Variants in INSYN2B observed in about 807,000 individuals in gnomAD.
INSYN2B encodes the protein protein INSYN2B.
Under a neutral mutation model 41.2 loss-of-function variants are expected in INSYN2B, and 16 were observed. The ratio of observed to expected loss-of-function variants is 0.39; its 90% CI spans 0.26 to 0.59. INSYN2B has a LOEUF of 0.59. Among genes scored for constraint, INSYN2B ranks in the 20% least tolerant of loss-of-function variants. The pLI is 0.57. For synonymous variants in INSYN2B, 245 were observed against 244.4 expected, an observed-to-expected ratio of 1.00 and a Z score of -0.02; for missense variants, 608 against 646.4, an observed-to-expected ratio of 0.94 and a Z score of 0.64.
At chr5:169,896,372 C>T (rs1399367374) in intron 1 of INSYN2B, among the ~76,000 whole-genome samples, 2 of 152,154 alleles carry the variant, frequency 1.3e-5, no homozygotes, top group Non-Finnish European at 2.9e-5. Context: ...AGCTTGCATT[C>T]TGAAAACAGA....
At chr5:169,946,865 G>A (rs1186951113) in intron 1 of INSYN2B, among the ~76,000 whole-genome samples, 1 of 152,188 alleles carries the variant, frequency 6.6e-6, no homozygotes, top group African/African-American at 2.4e-5. Flanking sequence ...CCTGAATATC[G>A]AGATGGAGCC....
At chr5:169,911,991 A>G (rs1774623071) in intron 1 of INSYN2B, among the ~76,000 whole-genome samples, 1 of 152,192 alleles carries the variant, frequency 6.6e-6, no homozygotes, top group Non-Finnish European at 1.5e-5. Context: ...GAATGATTGC[A>G]TAAGCCAAGA....
intron 1 of INSYN2B, among the ~76,000 whole-genome samples, chr5:169,900,055 C>G (rs190928370): frequency 6.6e-6 from 1 of 152,346 alleles, no homozygotes; most frequent in Non-Finnish European, 1.5e-5. Context: ...CTCCTTCCCT[C>G]TCTCCATTTA....
chr5:169,948,313 A>G (rs959534070), intron 1 of INSYN2B, among the ~76,000 whole-genome samples: 14 of 152,200 alleles, frequency 9.2e-5, no homozygotes, highest in Non-Finnish European at 4.4e-5. Context: ...AGGTAAACAA[A>G]TACACATAAG....
Position 169,876,552 on chromosome 5 carries a change from AG to A in INSYN2B, c.1421+4815del, listed in dbSNP as rs767044226. ...GGGCAATAATGTCTGATGGCCTGGA[AG>A]AACAAGGGTTTCAATGTCCTATGAA... On this transcript the variant is annotated intron_variant, in intron 3 of 3. Transcript: ENST00000377365. Among the ~76,000 whole-genome samples, 18 of 152,358 alleles carry A rather than the reference AG, an allele frequency of 1.2e-4. No homozygotes were observed. The East Asian group carries it at 1.9e-3, about 16-fold the overall frequency.
chr5:169,895,193 A>G (rs7708829), intron 1 of INSYN2B, among the ~76,000 whole-genome samples: 53,470 of 152,114 alleles, frequency 0.35, 10,751 homozygotes, highest in Non-Finnish European at 0.45. Context: ...GACAAAGGAT[A>G]TCCTTTTTCT....
At chr5:169,933,329 C>T (rs936943233) in intron 1 of INSYN2B, among the ~76,000 whole-genome samples, 15 of 152,180 alleles carry the variant, frequency 9.9e-5, no homozygotes, top group African/African-American at 3.4e-4. Context: ...TAATCAAATA[C>T]AGATACCGGT....
At chr5:169,865,177 T>C (rs895159043) in intron 3 of INSYN2B, among the ~76,000 whole-genome samples, 1 of 152,236 alleles carries the variant, frequency 6.6e-6, no homozygotes, top group African/African-American at 2.4e-5. Context: ...TCCCAACCTC[T>C]TTTTCGTTGT....
At chr5:169,975,398 C>T (rs1332251898) in intron 1 of INSYN2B, among the ~76,000 whole-genome samples, 2 of 152,120 alleles carry the variant, frequency 1.3e-5, no homozygotes, top group Non-Finnish European at 2.9e-5. Flanking sequence ...CAAGAAAATC[C>T]TAATTCTTGC....
rs756125744 is a variant in INSYN2B at position 169,883,718 on chromosome 5, C to T, written c.181G>A (p.Asp61Asn). The T allele has an allele frequency of 6.4e-7, 1 of 1,551,520 alleles. No individual in the cohort carries two copies. Residue 61 changes from aspartate to asparagine, a missense_variant, in exon 2 of 4, where the codon GAC (aspartate) becomes AAC (asparagine). Transcript: ENST00000377365. ...LAEVDVQTPEDPAVMGKTQAT... is the reference protein window; with the variant it reads ...LAEVDVQTPENPAVMGKTQAT... ...TGAGTCTTCCCCATCACAGCCGGGT[C>T]TTCTGGAGTTTGGACGTCAACCTCA...
rs1772758298 is a variant in INSYN2B, at chr5:169,883,105, G to C, written c.794C>G (p.Ala265Gly). The C allele has an allele frequency of 6.4e-7, 1 of 1,551,510 alleles. No homozygotes were observed. The highest frequency in any genetic ancestry group is 1.4e-5 in the African/African-American group (1 of 73,032). Residue 265 changes from alanine (A) to glycine (G), a missense_variant, in exon 2 of 4, where the codon GCC becomes GGC. Physicochemically the swap from Ala to Gly is moderately conservative, Grantham distance 60 (BLOSUM62 0). Coordinates refer to ENST00000377365, the MANE Select transcript of INSYN2B (RefSeq NM_001129891.3). ...TTCCTCTGTGCCTGGTGTGTGGCTG[G>C]CAACGCTGGTGGCATTTAAGCAGGA... ...STSCLNATSV[A>G]SHTPGTEELK...
chr5:169,958,523 G>T (rs1776955218), intron 1 of INSYN2B, among the ~76,000 whole-genome samples: 1 of 151,874 alleles, frequency 6.6e-6, no homozygotes, highest in Non-Finnish European at 1.5e-5. Context: ...CATTAGCCCA[G>T]CCCCCTTTCC....
chr5:169,910,485 G>T (rs1581402021), intron 1 of INSYN2B, among the ~76,000 whole-genome samples: 3 of 152,218 alleles, frequency 2.0e-5, no homozygotes, highest in Admixed American at 2.0e-4. Context: ...GTGGTTGGAG[G>T]CGTGCTTACC....
chr5:169,864,101 G>A lies in INSYN2B; in HGVS notation c.*172C>T, dbSNP rs969275580. ...TCGCACGCACTCAGGTAAGGATCGT[G>A]GTCAGGTGTCCAGCAGCGGCTACAT... On this transcript the variant is annotated 3_prime_UTR_variant, in exon 4 of 4. Transcript: ENST00000377365. Among the ~76,000 whole-genome samples the A allele has an allele frequency of 6.6e-6, 1 of 152,180 alleles. No homozygotes were observed. The highest frequency in any genetic ancestry group is 2.4e-5 in the African/African-American group (1 of 41,446).
intron 1 of INSYN2B, among the ~76,000 whole-genome samples, chr5:169,972,137 T>C (rs145879378): frequency 5.3e-5 from 8 of 152,356 alleles, no homozygotes; most frequent in Admixed American, 2.6e-4. Flanking sequence ...TAAGATGTCC[T>C]TTCCCATTCT....
chr5:169,867,917 G>T (rs114830460), intron 3 of INSYN2B, among the ~76,000 whole-genome samples: 88 of 152,292 alleles, frequency 5.8e-4, no homozygotes, highest in African/African-American at 2.0e-3. Context: ...TGAGTTGCAA[G>T]CTCTGATTCT....
At chr5:169,885,514 T>G (rs1772922510) in intron 1 of INSYN2B, among the ~76,000 whole-genome samples, 1 of 152,230 alleles carries the variant, frequency 6.6e-6, no homozygotes, top group Non-Finnish European at 1.5e-5. Flanking sequence ...AATTCTCCCC[T>G]GATGTCTTCA....
chr5:169,879,245 C>T (rs749455355), intron 3 of INSYN2B, among the ~76,000 whole-genome samples: 7 of 152,144 alleles, frequency 4.6e-5, no homozygotes, highest in Non-Finnish European at 8.8e-5. Flanking sequence ...CATCCATCAT[C>T]GGGGAGAGAG....
chr5:169,897,272 C>T (rs1265662168), intron 1 of INSYN2B, among the ~76,000 whole-genome samples: 2 of 152,034 alleles, frequency 1.3e-5, no homozygotes, highest in East Asian at 1.9e-4. Context: ...GCACCTTCCA[C>T]CTCCTGGGTT....
Sources: allele counts gnomAD v4.1 joint callset (sites outside exome capture counted in the v4.1 genomes callset), GRCh38; gene constraint gnomAD v4.1.1; transcripts MANE v1.5; gene names NCBI Gene and HGNC (gene_info 2026-07-23, HGNC 2026-07-21).